The following ADARB1 variants were observed in gnomAD, a reference collection of about 807,000 sequenced individuals.
ADARB1 encodes adenosine deaminase RNA specific B1.
Under a neutral mutation model 52.4 loss-of-function variants are expected in ADARB1, and 10 were observed. The ratio of observed to expected loss-of-function variants is 0.19; its 90% CI spans 0.12 to 0.32. The LOEUF (loss-of-function observed/expected upper bound fraction) is 0.32, where lower values mean the gene tolerates loss of function less well. Ranked by LOEUF, ADARB1 falls within the 10% of genes least tolerant of loss-of-function variation. The pLI, the probability that ADARB1 is intolerant of heterozygous loss-of-function variation, is 1.00. For synonymous variants in ADARB1, 349 were observed against 371.1 expected, an observed-to-expected ratio of 0.94 and a Z score of 0.68; for missense variants, 643 against 922.3, an observed-to-expected ratio of 0.70 and a Z score of 3.92.
At chr21:45,156,516 C>A in intron 2 of ADARB1, among the ~76,000 whole-genome samples, 1 of 118,110 alleles carries the variant, frequency 8.5e-6, no homozygotes, top group Non-Finnish European at 1.7e-5. Flanking sequence ...CCCACCCACC[C>A]ACCCATCATC....
chr21:45,175,986 C>T lies in ADARB1; in HGVS notation c.285C>T (p.Tyr95=), dbSNP rs2091678918. 2.5e-6 allele frequency: 4 copies of T among 1,613,702 alleles called. No homozygotes were observed. The highest frequency in any genetic ancestry group is 1.3e-5 in the African/African-American group (1 of 74,926). Residue 95 remains tyrosine, a synonymous_variant, in exon 4 of 11, where the codon TAC becomes TAT. Coordinates refer to ENST00000348831, the MANE Select transcript of ADARB1 (RefSeq NM_001112.4). ...ATGAGATCAAGCCTGGTTTGCAGTA[C>T]ACACTCCTGTCCCAGACTGGGCCCG... ...QLNEIKPGLQ[Y]TLLSQTGPVH... is the part of the protein sequence containing the mutation.
chr21:45,215,843 A>G (rs1394411514), intron 9 of ADARB1, among the ~76,000 whole-genome samples: 1 of 152,044 alleles, frequency 6.6e-6, no homozygotes, highest in Non-Finnish European at 1.5e-5. Flanking sequence ...GCATAAAATG[A>G]GTTGGGGTGC....
chr21:45,184,014 C>G (rs1407472246), intron 7 of ADARB1, among the ~76,000 whole-genome samples: 1 of 152,166 alleles, frequency 6.6e-6, no homozygotes, highest in African/African-American at 2.4e-5. Flanking sequence ...CTCCCAAGCC[C>G]TTAGGCATTG....
chr21:45,093,859 A>G (rs1459778428), intron 1 of ADARB1, among the ~76,000 whole-genome samples: 2 of 152,148 alleles, frequency 1.3e-5, no homozygotes, highest in Non-Finnish European at 2.9e-5. Context: ...GTACATTAGG[A>G]TTGGGTTTTT....
chr21:45,094,193 T>A (rs2086666446), intron 1 of ADARB1, among the ~76,000 whole-genome samples: 1 of 152,182 alleles, frequency 6.6e-6, no homozygotes, highest in Non-Finnish European at 1.5e-5. Context: ...TCAAAAGCAT[T>A]TTTTCCAACT....
chr21:45,218,735 G>A (rs2092912141), intron 9 of ADARB1, among the ~76,000 whole-genome samples: 1 of 152,198 alleles, frequency 6.6e-6, no homozygotes, highest in Non-Finnish European at 1.5e-5. Context: ...TTGAAAGCAA[G>A]TGAGCATGGT....
At chr21:45,125,480 G>C (rs1429217146) in intron 1 of ADARB1, among the ~76,000 whole-genome samples, 1 of 152,256 alleles carries the variant, frequency 6.6e-6, no homozygotes, top group African/African-American at 2.4e-5. Flanking sequence ...TGGCTCCCCA[G>C]AGACAGTGTT....
intron 1 of ADARB1, among the ~76,000 whole-genome samples, chr21:45,082,808 CAG>C (rs2086203846): frequency 6.6e-6 from 1 of 152,234 alleles, no homozygotes; most frequent in African/African-American, 2.4e-5. Flanking sequence ...AGCCTCCTAA[CAG>C]ATCTCTTCTT....
At chr21:45,212,440 C>T (rs919532018) in intron 9 of ADARB1, among the ~76,000 whole-genome samples, 1 of 152,092 alleles carries the variant, frequency 6.6e-6, no homozygotes, top group Non-Finnish European at 1.5e-5. Context: ...GACCTCAGTT[C>T]CACTGGCAAA....
chr21:45,136,640 G>A lies in ADARB1; in HGVS notation c.-48+8067G>A, dbSNP rs114069507. Among the ~76,000 whole-genome samples the A allele has an allele frequency of 5.8e-3, 876 of 152,332 alleles. 14 individuals carry two copies. Among genetic ancestry groups the A allele is most frequent in the African/African-American group, 0.02 (832 of 41,560 alleles). On this transcript the variant is annotated intron_variant, in intron 2 of 10. Transcript: ENST00000348831. ...GACCAGTCCTGTGGGGACAGCTGGCGGGGGTAGAAAACAGTAGAGCTGCCC... is the reference window on the plus strand; with the variant it reads ...GACCAGTCCTGTGGGGACAGCTGGCAGGGGTAGAAAACAGTAGAGCTGCCC...
intron 8 of ADARB1, among the ~76,000 whole-genome samples, chr21:45,198,285 C>T (rs898891907): frequency 3.9e-5 from 6 of 152,080 alleles, no homozygotes; most frequent in African/African-American, 1.4e-4. Context: ...ATCAAGAAGA[C>T]AGAAGGCACT....
At chr21:45,104,227 T>C (rs902197333) in intron 1 of ADARB1, among the ~76,000 whole-genome samples, 1 of 152,340 alleles carries the variant, frequency 6.6e-6, no homozygotes, top group South Asian at 2.1e-4. Context: ...GTGATATGGC[T>C]GTGGTTAGTT....
At chr21:45,203,039 G>T (rs780814051) in intron 8 of ADARB1, among the ~76,000 whole-genome samples, 5 of 152,150 alleles carry the variant, frequency 3.3e-5, no homozygotes, top group Non-Finnish European at 7.3e-5. Flanking sequence ...ACCCTGCAGC[G>T]CGTGCCACAC....
Position 45,133,863 on chromosome 21 carries a change from C to T in ADARB1, c.-48+5290C>T, listed in dbSNP as rs1569047627. ...GTGCGCCCGCCGGGTGTGCGCCCGA[C>T]GGGGGTGTGTGCCCGACAGTGGTGT... is the stretch of plus-strand genomic sequence containing the variant. On this transcript the variant is annotated intron_variant, in intron 2 of 10. Coordinates refer to ENST00000348831, the MANE Select transcript of ADARB1 (RefSeq NM_001112.4). 3.6e-5 allele frequency among the ~76,000 whole-genome samples: 4 copies of T among 112,116 alleles called. 1 individual carries two copies. Among genetic ancestry groups the T allele is most frequent in the Non-Finnish European group, 3.6e-5 (2 of 54,868 alleles). The allele number at this position is 112,116 out of a possible 152,430, so 73.6% of individuals were successfully genotyped here.
At chr21:45,136,425 G>A (rs1163575728) in intron 2 of ADARB1, among the ~76,000 whole-genome samples, 4 of 152,232 alleles carry the variant, frequency 2.6e-5, no homozygotes, top group Non-Finnish European at 5.9e-5. Flanking sequence ...GGAAAATAAC[G>A]TCAAGTGGTG....
At chr21:45,184,024 G>A (rs1383367322) in intron 7 of ADARB1, among the ~76,000 whole-genome samples, 2 of 152,060 alleles carry the variant, frequency 1.3e-5, no homozygotes, top group Non-Finnish European at 2.9e-5. Context: ...CTTAGGCATT[G>A]TTTATTCCAA....
At chr21:45,103,647 C>T (rs991341712) in intron 1 of ADARB1, among the ~76,000 whole-genome samples, 2 of 152,010 alleles carry the variant, frequency 1.3e-5, no homozygotes, top group Admixed American at 1.3e-4. Flanking sequence ...AGCCCAGTTC[C>T]TAACAGGTCA....
chr21:45,129,734 G>A (rs1016371984), intron 2 of ADARB1, among the ~76,000 whole-genome samples: 5 of 152,146 alleles, frequency 3.3e-5, no homozygotes, highest in Non-Finnish European at 5.9e-5. Flanking sequence ...GGTAGGGGGC[G>A]GTCACCAGGG....
intron 9 of ADARB1, among the ~76,000 whole-genome samples, chr21:45,217,536 T>A (rs1281049258): frequency 6.6e-6 from 1 of 152,186 alleles, no homozygotes; most frequent in Non-Finnish European, 1.5e-5. Flanking sequence ...CACTTTTGCA[T>A]GTGTTAAAAA....
Sources: gnomAD v4.1 joint callset for allele counts (sites outside exome capture counted in the v4.1 genomes callset) on GRCh38, gnomAD v4.1.1 for gene constraint, MANE v1.5 for transcripts, NCBI Gene and HGNC (gene_info 2026-07-23, HGNC 2026-07-21) for gene names.